Variants in TAFA4 observed in about 807,000 individuals in gnomAD.
TAFA4 encodes the protein TAFA chemokine like family member 4, also known as chemokine-like protein TAFA-4.
TAFA4 carries 20 observed loss-of-function variants against 21.1 expected under a neutral mutation model. The ratio of observed to expected loss-of-function variants is 0.95; its 90% CI spans 0.67 to 1.38. The LOEUF (loss-of-function observed/expected upper bound fraction) is 1.38, where lower values mean the gene tolerates loss of function less well. Among genes scored for constraint, TAFA4 ranks in the 40% most tolerant of loss-of-function variants. The pLI is 0.00. For missense variants in TAFA4, 211 were observed against 180.9 expected, an observed-to-expected ratio of 1.17 and a Z score of -0.95; for synonymous variants, 71 against 67.4, an observed-to-expected ratio of 1.05 and a Z score of -0.26.
chr3:68,753,122 T>A, intron 3 of TAFA4, 104 bp from the exon 4 acceptor site: 1 of 983,244 alleles, frequency 1.0e-6, no homozygotes, highest in East Asian at 2.5e-5. Flanking sequence ...CTTCCTGTGC[T>A]ATGCTTATGA....
intron 3 of TAFA4, among the ~76,000 whole-genome samples, chr3:68,806,661 T>C (rs755389781): frequency 3.3e-5 from 5 of 152,214 alleles, no homozygotes; most frequent in Non-Finnish European, 7.4e-5. Context: ...TGGTAGAAGG[T>C]AGGACTTCTG....
At chr3:68,886,296 TG>T (rs1459007743) in intron 1 of TAFA4, among the ~76,000 whole-genome samples, 1 of 152,184 alleles carries the variant, frequency 6.6e-6, no homozygotes, top group African/African-American at 2.4e-5. Context: ...TAAGAGAGTA[TG>T]GGCCTTGAGT....
At chr3:68,795,061 C>A (rs1035964405) in intron 3 of TAFA4, among the ~76,000 whole-genome samples, 1 of 150,800 alleles carries the variant, frequency 6.6e-6, no homozygotes, top group Non-Finnish European at 1.5e-5. Flanking sequence ...TTGTCCTCAG[C>A]ACACAGGGTC....
At chr3:68,841,044 G>A (rs1200588757) in intron 3 of TAFA4, among the ~76,000 whole-genome samples, 1 of 152,138 alleles carries the variant, frequency 6.6e-6, no homozygotes, top group Non-Finnish European at 1.5e-5. Flanking sequence ...AATAGAAGGT[G>A]ATATTAAAGA....
At chr3:68,751,404 C>T (rs192755893) in intron 4 of TAFA4, among the ~76,000 whole-genome samples, 1 of 152,032 alleles carries the variant, frequency 6.6e-6, no homozygotes, top group South Asian at 2.1e-4. Context: ...AGACTGTGGA[C>T]GTAGCAGTGG....
chr3:68,742,527 C>A (rs550044465), intron 4 of TAFA4, among the ~76,000 whole-genome samples: 1 of 152,188 alleles, frequency 6.6e-6, no homozygotes, highest in African/African-American at 2.4e-5. Flanking sequence ...TTCCTTCCTG[C>A]ATTTTCTAAT....
chr3:68,847,915 T>C (rs1397082511), intron 3 of TAFA4, among the ~76,000 whole-genome samples: 1 of 152,202 alleles, frequency 6.6e-6, no homozygotes, highest in South Asian at 2.1e-4. Flanking sequence ...GCAGAATTCA[T>C]TCATTAAACA....
intron 3 of TAFA4, among the ~76,000 whole-genome samples, chr3:68,831,648 G>C (rs918359269): frequency 7.2e-5 from 11 of 151,980 alleles, no homozygotes; most frequent in African/African-American, 2.4e-4. Flanking sequence ...GGTGAATCTG[G>C]CAATTATATG....
At chr3:68,862,821 T>C (rs941428072) in intron 3 of TAFA4, among the ~76,000 whole-genome samples, 2 of 151,100 alleles carry the variant, frequency 1.3e-5, no homozygotes, top group African/African-American at 4.9e-5. Context: ...TGTTACATCA[T>C]GGCCTCATTC....
At chr3:68,741,655 G>C (rs1191581088) in intron 4 of TAFA4, among the ~76,000 whole-genome samples, 1 of 152,042 alleles carries the variant, frequency 6.6e-6, no homozygotes, top group Non-Finnish European at 1.5e-5. Flanking sequence ...GCCAGGCGTG[G>C]TGGCCGGTGC....
chr3:68,921,640 G>A (rs979180751), intron 1 of TAFA4, among the ~76,000 whole-genome samples: 1 of 152,136 alleles, frequency 6.6e-6, no homozygotes, highest in African/African-American at 2.4e-5. Flanking sequence ...ATTATTCCCA[G>A]AACGAATGAA....
intron 1 of TAFA4, among the ~76,000 whole-genome samples, chr3:68,888,974 G>A (rs538697671): frequency 2.6e-5 from 4 of 152,242 alleles, no homozygotes; most frequent in South Asian, 2.1e-4. Context: ...ATTCAAGATC[G>A]ATAACTTTGT....
intron 5 of TAFA4, among the ~76,000 whole-genome samples, chr3:68,737,131 A>T (rs970995533): frequency 1.3e-5 from 2 of 152,306 alleles, no homozygotes; most frequent in Non-Finnish European, 2.9e-5. Flanking sequence ...TTTATATATA[A>T]AAATCAATAC....
chr3:68,782,348 G>A (rs1336579824), intron 3 of TAFA4, among the ~76,000 whole-genome samples: 23 of 152,174 alleles, frequency 1.5e-4, no homozygotes, highest in Admixed American at 1.5e-3. Flanking sequence ...GTAAGTGTTG[G>A]CAAAGATATG....
intron 3 of TAFA4, among the ~76,000 whole-genome samples, chr3:68,828,970 A>G (rs2106875158): frequency 6.6e-6 from 1 of 152,300 alleles, no homozygotes; most frequent in Middle Eastern, 3.4e-3. Context: ...TTCAAAGGGA[A>G]TGCAATCCAT....
At chr3:68,786,361 G>T (rs140886330) in intron 3 of TAFA4, among the ~76,000 whole-genome samples, 2 of 152,310 alleles carry the variant, frequency 1.3e-5, no homozygotes, top group Non-Finnish European at 2.9e-5. Context: ...AGCTACCCAG[G>T]AGGCTGAGAT....
intron 3 of TAFA4, among the ~76,000 whole-genome samples, chr3:68,773,132 G>A (rs887072933): frequency 5.3e-5 from 8 of 152,062 alleles, no homozygotes; most frequent in African/African-American, 1.9e-4. Flanking sequence ...TGAATATTGT[G>A]CAAATATTCA....
chr3:68,865,428 C>T (rs950170917), intron 3 of TAFA4, among the ~76,000 whole-genome samples: 2 of 152,002 alleles, frequency 1.3e-5, no homozygotes, highest in South Asian at 4.2e-4. Flanking sequence ...CAGGTTTTTC[C>T]CTGTACTGTT....
intron 3 of TAFA4, among the ~76,000 whole-genome samples, chr3:68,755,771 A>C (rs896788261): frequency 5.9e-5 from 9 of 152,136 alleles, no homozygotes; most frequent in Admixed American, 2.6e-4. Flanking sequence ...GAGTCAGTAA[A>C]CTTGCAAACA....
Sources: gnomAD v4.1 joint callset for allele counts (sites outside exome capture counted in the v4.1 genomes callset) on GRCh38, gnomAD v4.1.1 for gene constraint, MANE v1.5 for transcripts, NCBI Gene and HGNC (gene_info 2026-07-23, HGNC 2026-07-21) for gene names.